CACNA1A: variants seen among roughly 807,000 people sequenced by gnomAD.
CACNA1A encodes calcium voltage-gated channel subunit alpha1 A, also known as voltage-dependent P/Q-type calcium channel subunit alpha-1A.
Under a neutral mutation model 262.4 loss-of-function variants are expected in CACNA1A, and 57 were observed. The observed-to-expected ratio is 0.22, with a 90% CI of 0.18 to 0.27. The LOEUF (loss-of-function observed/expected upper bound fraction) is 0.27, where lower values mean the gene tolerates loss of function less well. Ranked by LOEUF, CACNA1A falls within the 10% of genes least tolerant of loss-of-function variation. The probability of loss-of-function intolerance (pLI) is 1.00; values close to 1 mark genes in which losing one functional copy is unlikely to be tolerated. For missense variants in CACNA1A, 2,526 were observed against 3,562.8 expected, an observed-to-expected ratio of 0.71 and a Z score of 7.41; for synonymous variants, 1,431 against 1,419.3, an observed-to-expected ratio of 1.01 and a Z score of -0.18.
At chr19:13,398,791 C>G (rs924547597) in intron 3 of CACNA1A, among the ~76,000 whole-genome samples, 3 of 152,222 alleles carry the variant, frequency 2.0e-5, no homozygotes, top group Admixed American at 6.5e-5. Flanking sequence ...GCTGAGCACA[C>G]CACCTGATGC....
At chr19:13,438,109 C>T (rs1373264529) in intron 3 of CACNA1A, among the ~76,000 whole-genome samples, 2 of 146,728 alleles carry the variant, frequency 1.4e-5, no homozygotes, top group Non-Finnish European at 3.0e-5. Flanking sequence ...TTTTTGCTGA[C>T]ATTTTTTCCT....
chr19:13,310,990 G>A (rs1187458109), intron 12 of CACNA1A, among the ~76,000 whole-genome samples: 1 of 151,852 alleles, frequency 6.6e-6, no homozygotes, highest in Non-Finnish European at 1.5e-5. Context: ...ACGGGGTTTC[G>A]CCATGTTGGC....
chr19:13,429,569 A>G (rs2060468782), intron 3 of CACNA1A, among the ~76,000 whole-genome samples: 1 of 149,870 alleles, frequency 6.7e-6, no homozygotes, highest in East Asian at 2.0e-4. Context: ...AGCCAATGAG[A>G]CCTCTAAGGG....
Position 13,209,421 on chromosome 19 carries a change from C to A in CACNA1A, c.6417G>T (p.Ser2139=). Residue 2139 remains serine, a synonymous_variant, in exon 45 of 47, where the codon TCG becomes TCT. Transcript: ENST00000360228. ...GPKARRLDDY[S]LERVPPEENQ... is the part of the protein sequence containing the mutation. ...TCTCCTCGGGCGGGACCCGCTCCAG[C>A]GAGTAATCGTCCAGGCGTCGGGCCT... The A allele has an allele frequency of 7.2e-7, 1 of 1,389,502 alleles. No homozygotes were observed. Among genetic ancestry groups the A allele is most frequent in the Admixed American group, 3.3e-5 (1 of 30,606 alleles). 86.1% of individuals were successfully genotyped at this position (1,389,502 alleles called of 1,614,324 possible). A position where few individuals can be genotyped will look rare whatever the true frequency, so the allele number is the denominator to read the frequency against.
intron 3 of CACNA1A, among the ~76,000 whole-genome samples, chr19:13,413,878 CAAGAAAGAAAGAAAGAAAAAGA>C (rs1275505795): frequency 1.9e-4 from 15 of 80,450 alleles, no homozygotes; most frequent in Non-Finnish European, 2.5e-4. Flanking sequence ...CAGACTCTGT[CAAGAAAGAAAGAAAGAAAAAGA>C]AAGAAAGAAA....
At chr19:13,235,577 T>C in intron 32 of CACNA1A, 37 bp downstream of exon 32, 2 of 1,425,418 alleles carry the variant, frequency 1.4e-6, no homozygotes, top group South Asian at 1.1e-5. Flanking sequence ...TCACCTGTCT[T>C]CTCAGCCCTG....
rs2144629622 is a variant in CACNA1A at position 13,231,775 on chromosome 19, G to A, written c.5335C>T (p.Arg1779Ter). The change falls in exon 35 of 47, where the codon CGA becomes TGA. Residue 1779 changes from arginine (R) to a stop codon, truncating the protein, a stop_gained. Transcript: ENST00000360228. LOFTEE classifies it high-confidence loss of function. ...PCDKNSGILT[R>*]ECGNEFAYFY... is the part of the protein sequence containing the mutation. Reference sequence around the variant, plus strand: ...TAAGCAAATTCATTGCCACACTCTCGAGTCAGGATGCCAGAGTTCTTATCA... The same window carrying A: ...TAAGCAAATTCATTGCCACACTCTCAAGTCAGGATGCCAGAGTTCTTATCA... 1 of 1,613,836 alleles carries A rather than the reference G, an allele frequency of 6.2e-7. No individual in the cohort carries two copies. The highest frequency in any genetic ancestry group is 8.5e-7 in the Non-Finnish European group (1 of 1,179,804).
intron 15 of CACNA1A, among the ~76,000 whole-genome samples, chr19:13,305,310 G>C (rs1470158934): frequency 1.3e-5 from 2 of 152,108 alleles, no homozygotes; most frequent in Admixed American, 6.5e-5. Context: ...CAGTTCCTTG[G>C]GGGCAGAGCA....
intron 6 of CACNA1A, among the ~76,000 whole-genome samples, chr19:13,342,790 C>T (rs748324991): frequency 2.0e-5 from 3 of 152,256 alleles, no homozygotes; most frequent in Non-Finnish European, 4.4e-5. Flanking sequence ...GAGCCCCCTT[C>T]TTCCCCACTG....
intron 1 of CACNA1A, among the ~76,000 whole-genome samples, chr19:13,495,703 T>G (rs57515061): frequency 9.9e-5 from 15 of 151,988 alleles, no homozygotes; most frequent in Non-Finnish European, 1.9e-4. Context: ...GACCCACACA[T>G]AGACAGCTAC....
rs995281913 is a variant in CACNA1A at position 13,368,986 on chromosome 19, C to A, written c.631+2702G>T. ...CCGGGAGGCGGAGCTTGCAGTGAGC[C>A]GAGATCTCGCCACTGCACTCCAGCC... is the stretch of plus-strand genomic sequence containing the variant. On this transcript the variant is annotated intron_variant, in intron 4 of 46. Coordinates refer to ENST00000360228, the MANE Select transcript of CACNA1A (RefSeq NM_001127222.2). Among the ~76,000 whole-genome samples the A allele has an allele frequency of 1.2e-4, 14 of 121,668 alleles. 1 individual carries two copies. Among genetic ancestry groups the A allele is most frequent in the African/African-American group, 6.7e-4 (14 of 21,034 alleles). The allele number at this position is 121,668 out of a possible 152,430, so 79.8% of individuals were successfully genotyped here.
intron 22 of CACNA1A, among the ~76,000 whole-genome samples, chr19:13,282,748 C>A (rs561526455): frequency 6.6e-6 from 1 of 152,206 alleles, no homozygotes; most frequent in South Asian, 2.1e-4. Context: ...TGAGTTTCTT[C>A]CTGGGACACA....
At chr19:13,476,472 C>T (rs1156469481) in intron 1 of CACNA1A, among the ~76,000 whole-genome samples, 2 of 152,110 alleles carry the variant, frequency 1.3e-5, no homozygotes, top group Non-Finnish European at 2.9e-5. Flanking sequence ...ATGCATTGAG[C>T]CCTCACCACC....
At chr19:13,327,065 G>A (rs762932283) in intron 10 of CACNA1A, among the ~76,000 whole-genome samples, 6 of 152,000 alleles carry the variant, frequency 3.9e-5, no homozygotes, top group Non-Finnish European at 8.8e-5. Context: ...ATATTTGATA[G>A]AGACAGGGTC....
At chr19:13,438,286 A>C (rs1474779849) in intron 3 of CACNA1A, among the ~76,000 whole-genome samples, 2 of 152,248 alleles carry the variant, frequency 1.3e-5, no homozygotes, top group African/African-American at 2.4e-5. Context: ...TAAATACCAG[A>C]TGGGCTCTGT....
chr19:13,503,434 C>T (rs1338482972), intron 1 of CACNA1A, among the ~76,000 whole-genome samples: 1 of 151,896 alleles, frequency 6.6e-6, no homozygotes, highest in African/African-American at 2.4e-5. Context: ...AGTACCTACA[C>T]ACTTTTTTTT....
chr19:13,227,581 G>C, intron 36 of CACNA1A, 54 bp from the exon 37 acceptor site: 1 of 1,018,340 alleles, frequency 9.8e-7, no homozygotes, highest in Non-Finnish European at 1.5e-6. Flanking sequence ...AACAAAACGG[G>C]AATGGGAACA....
At chr19:13,267,709 G>A (rs959422016) in intron 24 of CACNA1A, among the ~76,000 whole-genome samples, 2 of 152,016 alleles carry the variant, frequency 1.3e-5, no homozygotes, top group Non-Finnish European at 2.9e-5. Flanking sequence ...TTGGGAGGAC[G>A]AGTTGGGAAG....
chr19:13,324,341 C>T (rs371531849), intron 10 of CACNA1A, among the ~76,000 whole-genome samples: 11 of 151,500 alleles, frequency 7.3e-5, no homozygotes, highest in African/African-American at 2.7e-4. Context: ...TGCATTGCAT[C>T]GCATTTAGTG....
Sources: gnomAD v4.1 joint callset for allele counts (sites outside exome capture counted in the v4.1 genomes callset) on GRCh38, gnomAD v4.1.1 for gene constraint, MANE v1.5 for transcripts, NCBI Gene and HGNC (gene_info 2026-07-23, HGNC 2026-07-21) for gene names.